CENPK: variants seen among roughly 807,000 people sequenced by gnomAD.
CENPK encodes the protein SoxLZ/Sox6-binding protein Solt.
A neutral mutation model predicts 40.9 loss-of-function variants in CENPK; 46 were observed. The ratio of observed to expected loss-of-function variants is 1.13; its 90% CI spans 0.89 to 1.44. The LOEUF (loss-of-function observed/expected upper bound fraction) is 1.44, where lower values mean the gene tolerates loss of function less well. Ranked by LOEUF, CENPK falls within the 40% of genes most tolerant of loss-of-function variation. CENPK has a pLI of 0.00. For missense variants in CENPK, 288 were observed against 303.5 expected (o/e 0.95, Z 0.38); for synonymous variants, 107 against 104.4 (o/e 1.02, Z -0.15).
chr5:65,554,706 A>T (rs1750694062), intron 3 of CENPK, 91 bp downstream of exon 3: 1 of 759,862 alleles, frequency 1.3e-6, no homozygotes, highest in African/African-American at 1.8e-5. Flanking sequence ...GCTTTTGGAA[A>T]CTAGCACAAT....
chr5:65,499,859 C>T, the CENPK span, among the ~76,000 whole-genome samples: 1 of 102,894 alleles, frequency 9.7e-6, no homozygotes, highest in African/African-American at 3.7e-5. Context: ...TGATATTCCC[C>T]TTCCTGTGTC....
intron 9 of CENPK, among the ~76,000 whole-genome samples, chr5:65,528,065 T>A (rs531627080): frequency 7.9e-5 from 12 of 151,958 alleles, no homozygotes; most frequent in Non-Finnish European, 7.4e-5. Flanking sequence ...CTTGGTGACA[T>A]CCCCTCTCTA....
chr5:65,532,507 T>G (rs780745429), intron 6 of CENPK, among the ~76,000 whole-genome samples: 28 of 152,060 alleles, frequency 1.8e-4, no homozygotes, highest in South Asian at 4.2e-4. Flanking sequence ...CTCATAAAAT[T>G]TCAGCAATTT....
chr5:65,561,343 T>C (rs950621759), intron 2 of CENPK, 120 bp downstream of exon 2: 4 of 254,126 alleles, frequency 1.6e-5, no homozygotes, highest in Non-Finnish European at 3.4e-5. Flanking sequence ...AATGCAAAAC[T>C]CTGCACATGT....
At chr5:65,553,009 C>A (rs1192934052) in intron 3 of CENPK, among the ~76,000 whole-genome samples, 1 of 151,992 alleles carries the variant, frequency 6.6e-6, no homozygotes, top group South Asian at 2.1e-4. Flanking sequence ...CGAGTAAATT[C>A]TATTTCTGCT....
At chr5:65,560,585 A>G (rs1262834169) in intron 2 of CENPK, among the ~76,000 whole-genome samples, 1 of 152,240 alleles carries the variant, frequency 6.6e-6, no homozygotes, top group Non-Finnish European at 1.5e-5. Context: ...AACACAAATG[A>G]GGAATTCAAA....
chr5:65,530,729 TG>T (rs1183167750), intron 6 of CENPK, among the ~76,000 whole-genome samples: 8 of 150,984 alleles, frequency 5.3e-5, no homozygotes, highest in African/African-American at 2.0e-4. Context: ...GGCAACATGG[TG>T]AAACCCTGTC....
chr5:65,524,476 C>A (rs1158000712), intron 9 of CENPK: 1 of 151,050 alleles, frequency 6.6e-6, no homozygotes, highest in Non-Finnish European at 1.5e-5. Context: ...CAGTGAAACC[C>A]CGTCTCTACT....
At chr5:65,531,434 TGAC>T in intron 6 of CENPK, among the ~76,000 whole-genome samples, 1 of 151,030 alleles carries the variant, frequency 6.6e-6, no homozygotes. Flanking sequence ...CCCAAACAAT[TGAC>T]ATGCAACATC....
intron 6 of CENPK, among the ~76,000 whole-genome samples, chr5:65,537,191 CATGGGAGAAGCTT>C (rs1747066006): frequency 6.6e-6 from 1 of 152,234 alleles, no homozygotes; most frequent in Admixed American, 6.5e-5. Context: ...GAAAAAGGCA[CATGGGAGAAGCTT>C]ACAGGAGTTC....
chr5:65,512,180 AAAAATG>A, the CENPK span, among the ~76,000 whole-genome samples: 3 of 152,224 alleles, frequency 2.0e-5, no homozygotes, highest in Non-Finnish European at 4.4e-5. Context: ...TGGATGAGCA[AAAAATG>A]GTTTCTTGAG....
At chr5:65,508,786 TAAA>T in the CENPK span, among the ~76,000 whole-genome samples, 5 of 85,982 alleles carry the variant, frequency 5.8e-5, no homozygotes, top group African/African-American at 4.5e-5. Context: ...AGACTCCATC[TAAA>T]AAAAAAAAAA....
chr5:65,499,997 C>T, the CENPK span, among the ~76,000 whole-genome samples: 1 of 81,140 alleles, frequency 1.2e-5, no homozygotes, highest in African/African-American at 4.7e-5. Flanking sequence ...AGGACATGAA[C>T]TCATCATTTT....
chr5:65,533,106 T>C (rs944339947), intron 6 of CENPK, among the ~76,000 whole-genome samples: 3 of 152,114 alleles, frequency 2.0e-5, no homozygotes, highest in African/African-American at 7.2e-5. Context: ...ATGCCTGTAA[T>C]CTCAGCACTT....
At chr5:65,508,593 T>G in the CENPK span, among the ~76,000 whole-genome samples, 1 of 152,050 alleles carries the variant, frequency 6.6e-6, no homozygotes, top group South Asian at 2.1e-4. Context: ...GACACCAGCC[T>G]GGCCAATATG....
intron 6 of CENPK, among the ~76,000 whole-genome samples, chr5:65,536,829 T>C (rs918148368): frequency 6.6e-6 from 1 of 152,206 alleles, no homozygotes; most frequent in Non-Finnish European, 1.5e-5. Flanking sequence ...TCCTGACCCA[T>C]TATTTACATT....
chr5:65,543,345 TTTC>T (rs980859555), intron 5 of CENPK, among the ~76,000 whole-genome samples: 20 of 152,332 alleles, frequency 1.3e-4, no homozygotes, highest in African/African-American at 4.6e-4. Flanking sequence ...TTAGTGCCTT[TTTC>T]TTTTCTTCTT....
At chr5:65,509,715 CAGAT>C in the CENPK span, among the ~76,000 whole-genome samples, 1 of 152,200 alleles carries the variant, frequency 6.6e-6, no homozygotes, top group Non-Finnish European at 1.5e-5. Flanking sequence ...CCTTTACAGA[CAGAT>C]ATTGTCTGTT....
intron 2 of CENPK, 108 bp downstream of exon 2, chr5:65,561,355 G>T (rs1228194931): frequency 7.6e-6 from 2 of 262,786 alleles, no homozygotes; most frequent in South Asian, 3.5e-5. Flanking sequence ...TGCACATGTG[G>T]TGGGGGCGGA....
Sources: gnomAD v4.1 joint callset for allele counts (sites outside exome capture counted in the v4.1 genomes callset) on GRCh38, gnomAD v4.1.1 for gene constraint, MANE v1.5 for transcripts, NCBI Gene and HGNC (gene_info 2026-07-23, HGNC 2026-07-21) for gene names.